NDST4: variants seen among roughly 807,000 people sequenced by gnomAD.
The protein encoded by NDST4 is N-deacetylase and N-sulfotransferase 4.
In NDST4, 63 loss-of-function variants were observed where a neutral mutation model predicts 100.8. The observed-to-expected ratio is 0.62, with a 90% confidence interval of 0.51 to 0.77. NDST4 has a LOEUF of 0.77. Ranked by LOEUF, NDST4 falls within the 30% of genes least tolerant of loss-of-function variation. NDST4 has a pLI of 0.00. For synonymous variants in NDST4, 377 were observed against 361.8 expected (o/e 1.04, Z -0.48); for missense variants, 943 against 1,018.4 (o/e 0.93, Z 1.01).
At position 115,000,357 on chromosome 4, in the gene NDST4, C is replaced by T. The variant is rs370021654; in HGVS notation, c.979-23083G>A. On this transcript the variant is annotated intron_variant, in intron 2 of 13. Coordinates refer to ENST00000264363, the MANE Select transcript of NDST4 (RefSeq NM_022569.3). Reference sequence around the variant, plus strand: ...CCTTTCATTTTTTTTTATTTTTTGCCTCATGAGAATATCTACATCTTAGAA... The same window carrying T: ...CCTTTCATTTTTTTTTATTTTTTGCTTCATGAGAATATCTACATCTTAGAA... Among the ~76,000 whole-genome samples, 4 of 151,194 alleles carry T rather than the reference C, an allele frequency of 2.6e-5. No individual in the cohort carries two copies. The East Asian group carries it at 7.7e-4, about 29-fold the overall frequency.
chr4:115,110,538 T>C (rs1729932915), intron 1 of NDST4, among the ~76,000 whole-genome samples: 1 of 152,018 alleles, frequency 6.6e-6, no homozygotes, highest in African/African-American at 2.4e-5. Flanking sequence ...ATCTTTACTG[T>C]AAATTTTACT....
At chr4:114,945,281 T>C (rs1338275333) in intron 4 of NDST4, among the ~76,000 whole-genome samples, 12 of 149,016 alleles carry the variant, frequency 8.1e-5, no homozygotes, top group African/African-American at 2.5e-4. Context: ...ACAGGAGTCA[T>C]TGCCAGGATT....
chr4:114,977,394 T>A, intron 2 of NDST4, 120 bp from the exon 3 acceptor site: 1 of 611,068 alleles, frequency 1.6e-6, no homozygotes, highest in Middle Eastern at 4.1e-4. Flanking sequence ...TTGTTTTTGA[T>A]GGGTACTGTT....
chr4:115,066,985 C>T (rs931665169), intron 2 of NDST4, among the ~76,000 whole-genome samples: 1 of 152,182 alleles, frequency 6.6e-6, no homozygotes, highest in Admixed American at 6.6e-5. Flanking sequence ...TGCCATTTTT[C>T]TCAAGATGAC....
rs562125165 is a variant in NDST4 at position 114,913,264 on chromosome 4, G to T, written c.1536+21942C>A. Among the ~76,000 whole-genome samples the T allele has an allele frequency of 1.9e-3, 289 of 152,054 alleles. 2 individuals are homozygous for T. The highest frequency in any genetic ancestry group is 6.7e-3 in the African/African-American group (278 of 41,530). On this transcript the variant is annotated intron_variant, in intron 6 of 13. Coordinates refer to ENST00000264363, the MANE Select transcript of NDST4 (RefSeq NM_022569.3). ...TCTGGGATTAAAGGGCTAATTTAGA[G>T]TGATTGCAAATTTTGATAAGGTTTT...
rs1173970826 is a variant in NDST4, at chr4:114,945,208, CAAAAAAA to C, written c.1222-7712_1222-7706del. The stretch of plus-strand genomic sequence containing the variant: ...GGACAACTAGAATGAAACTCCGTCT[CAAAAAAA>C]AAAAAAAAAAAAAAAAAAGACAAAT... On this transcript the variant is annotated intron_variant, in intron 4 of 13. Coordinates refer to ENST00000264363, the MANE Select transcript of NDST4 (RefSeq NM_022569.3). Among the ~76,000 whole-genome samples the C allele has an allele frequency of 5.5e-3, 294 of 53,808 alleles. 2 individuals are homozygous for C. The highest frequency in any genetic ancestry group is 0.018 in the African/African-American group (266 of 15,018). The allele number at this position is 53,808 out of a possible 152,430, so 35.3% of individuals were successfully genotyped here.
At chr4:114,967,913 T>C in intron 4 of NDST4, among the ~76,000 whole-genome samples, 1 of 152,154 alleles carries the variant, frequency 6.6e-6, no homozygotes, top group Non-Finnish European at 1.5e-5. Context: ...CTAAGCACAT[T>C]ATGTATATCC....
intron 11 of NDST4, among the ~76,000 whole-genome samples, chr4:114,834,133 C>A (rs1316442807): frequency 6.6e-6 from 1 of 152,130 alleles, no homozygotes; most frequent in Admixed American, 6.6e-5. Context: ...TAATCTTAAA[C>A]AAACAAGACA....
intron 6 of NDST4, among the ~76,000 whole-genome samples, chr4:114,874,327 G>A (rs58325332): frequency 0.27 from 40,430 of 151,746 alleles, 8,045 homozygotes; most frequent in African/African-American, 0.56. Context: ...TTGTTTGATG[G>A]AAAAAAAAGC....
intron 10 of NDST4, among the ~76,000 whole-genome samples, chr4:114,840,870 T>C (rs922052852): frequency 6.6e-6 from 1 of 152,152 alleles, no homozygotes; most frequent in African/African-American, 2.4e-5. Flanking sequence ...TAGGAATTGA[T>C]GAGTGGTTAA....
chr4:114,906,408 G>A (rs1252121561), intron 6 of NDST4, among the ~76,000 whole-genome samples: 2 of 151,720 alleles, frequency 1.3e-5, no homozygotes, highest in Admixed American at 6.6e-5. Context: ...GATATTCGGG[G>A]GAGATTATTC....
chr4:114,952,347 C>G (rs537020617), intron 4 of NDST4, among the ~76,000 whole-genome samples: 1 of 152,052 alleles, frequency 6.6e-6, no homozygotes, highest in African/African-American at 2.4e-5. Flanking sequence ...AGCTGCTTGA[C>G]AAGAAAAAGA....
intron 13 of NDST4, among the ~76,000 whole-genome samples, chr4:114,828,669 A>G (rs954695595): frequency 8.5e-5 from 13 of 152,194 alleles, no homozygotes; most frequent in Non-Finnish European, 1.3e-4. Flanking sequence ...GATATCACCT[A>G]TATTATAACC....
intron 2 of NDST4, among the ~76,000 whole-genome samples, chr4:115,015,552 T>C (rs766539179): frequency 1.1e-4 from 17 of 152,010 alleles, no homozygotes; most frequent in Non-Finnish European, 2.2e-4. Flanking sequence ...TGGTAACAAA[T>C]TTTGGGAAGA....
At chr4:115,043,191 AATT>A (rs33919888) in intron 2 of NDST4, among the ~76,000 whole-genome samples, 14,102 of 152,054 alleles carry the variant, frequency 0.093, 1,984 homozygotes, top group African/African-American at 0.31. Context: ...ATAAAAATGA[AATT>A]ATGATAAATA....
intron 8 of NDST4, among the ~76,000 whole-genome samples, chr4:114,851,203 G>T (rs922381291): frequency 3.9e-5 from 6 of 152,188 alleles, no homozygotes; most frequent in African/African-American, 1.4e-4. Context: ...CCCCTGCAGT[G>T]AATTTATAGT....
intron 2 of NDST4, among the ~76,000 whole-genome samples, chr4:115,021,535 T>C (rs1285386667): frequency 3.1e-5 from 3 of 97,466 alleles, no homozygotes; most frequent in Non-Finnish European, 6.2e-5. Flanking sequence ...ATACACACGT[T>C]CCACATATAC....
chr4:114,914,834 C>T (rs1413160359), intron 6 of NDST4, among the ~76,000 whole-genome samples: 5 of 152,076 alleles, frequency 3.3e-5, no homozygotes, highest in Non-Finnish European at 7.4e-5. Flanking sequence ...AGAGCAGCTG[C>T]TTGTTTCCCT....
chr4:114,838,881 C>T lies in NDST4; in HGVS notation c.2286+497G>A, dbSNP rs1278588999. Among the ~76,000 whole-genome samples, 5 of 150,406 alleles carry T rather than the reference C, an allele frequency of 3.3e-5. No individual in the cohort carries two copies. In the East Asian group the frequency reaches 9.8e-4, roughly 29 times the overall value. ...TTCAAATCCTTATTTCTTGATCTATCTCATGTTCCTGTAGCCATTATAACA... is the reference window on the plus strand; with the variant it reads ...TTCAAATCCTTATTTCTTGATCTATTTCATGTTCCTGTAGCCATTATAACA... On this transcript the variant is annotated intron_variant, in intron 11 of 13. Coordinates refer to ENST00000264363, the MANE Select transcript of NDST4 (RefSeq NM_022569.3).
Sources: gnomAD v4.1 joint callset for allele counts (sites outside exome capture counted in the v4.1 genomes callset) on GRCh38, gnomAD v4.1.1 for gene constraint, MANE v1.5 for transcripts, NCBI Gene and HGNC (gene_info 2026-07-23, HGNC 2026-07-21) for gene names.